The following CSNK1A1L variants were observed in gnomAD, a reference collection of about 807,000 sequenced individuals.
CSNK1A1L encodes the protein casein kinase 1 alpha 1 like, also known as casein kinase I isoform alpha-like.
In CSNK1A1L, 20 loss-of-function variants were observed where a neutral mutation model predicts 24.6. The observed-to-expected ratio is 0.81, with a 90% CI of 0.57 to 1.18. CSNK1A1L has a LOEUF of 1.18. CSNK1A1L is among the 50% of genes most tolerant of loss of function. The probability of loss-of-function intolerance (pLI) is 0.00; values close to 1 mark genes in which losing one functional copy is unlikely to be tolerated. For synonymous variants in CSNK1A1L, 152 were observed against 154.0 expected (o/e 0.99, Z 0.09); for missense variants, 414 against 419.0 (o/e 0.99, Z 0.10).
In CSNK1A1L at chr13:37,104,855, G is replaced by T. The variant is rs765148766; in HGVS notation, c.402C>A (p.His134Gln). 6.2e-7 allele frequency: 1 copy of T among 1,614,054 alleles called. No homozygotes were observed. The highest frequency in any genetic ancestry group is 1.1e-5 in the South Asian group (1 of 91,070). Residue 134 changes from histidine to glutamine, a missense_variant, in exon 1 of 1, where the codon CAC (histidine) becomes CAA (glutamine). Transcript: ENST00000379800. ...IEYVHTKNFLHRDIKPDNFLM... is the reference protein window; with the variant it reads ...IEYVHTKNFLQRDIKPDNFLM... Reference sequence around the variant, plus strand: ...GGAAGTTATCTGGTTTAATGTCTCGGTGTAGAAAATTCTTTGTATGCACGT... The same window carrying T: ...GGAAGTTATCTGGTTTAATGTCTCGTTGTAGAAAATTCTTTGTATGCACGT...
rs201851808 is a variant in CSNK1A1L, at chr13:37,104,814, C to T, written c.443G>A (p.Arg148His). The change falls in exon 1 of 1, where the codon CGT becomes CAT. Residue 148 changes from arginine (R) to histidine (H), a missense_variant. Coordinates refer to ENST00000379800, the MANE Select transcript of CSNK1A1L (RefSeq NM_145203.6). Reference protein sequence around the residue: ...KPDNFLMGTGRHCNKLFLIDF... With the variant: ...KPDNFLMGTGHHCNKLFLIDF... ...AATAAGGAACAACTTATTACAGTGACGCCCAGTACCCATCAGGAAGTTATC... is the reference window on the plus strand; with the variant it reads ...AATAAGGAACAACTTATTACAGTGATGCCCAGTACCCATCAGGAAGTTATC... 2.5e-5 allele frequency: 40 copies of T among 1,613,400 alleles called. No individual in the cohort carries two copies. The East Asian group carries it at 8.0e-4, about 32-fold the overall frequency.
Position 37,104,198 on chromosome 13 carries a change from G to A in CSNK1A1L, c.*45C>T, listed in dbSNP as rs754528009. 26 of 1,611,410 alleles carry A rather than the reference G, an allele frequency of 1.6e-5. No homozygotes were observed. The highest frequency in any genetic ancestry group is 2.1e-5 in the Non-Finnish European group (25 of 1,177,852). On this transcript the variant is annotated 3_prime_UTR_variant, in exon 1 of 1. Coordinates refer to ENST00000379800, the MANE Select transcript of CSNK1A1L (RefSeq NM_145203.6). ...TTTCTAGATGTGGGGAGAAACAAAT[G>A]CTGCTCGAATCATCTGCTCTGCTTC...
rs1566440653 is a variant in CSNK1A1L at position 37,104,537 on chromosome 13, C to A, written c.720G>T (p.Lys240Asn). The A allele has an allele frequency of 1.9e-6, 3 of 1,614,122 alleles. No individual in the cohort carries two copies. The highest frequency in any genetic ancestry group is 1.7e-6 in the Non-Finnish European group (2 of 1,180,024). ...KQKYEKISEK[K>N]MSTPVEVLCK... is the part of the protein sequence containing the mutation. ...ATAAAACTTCAACAGGGGTGGACATCTTCTTCTCACTAATCTTTTCATATT... is the reference window on the plus strand; with the variant it reads ...ATAAAACTTCAACAGGGGTGGACATATTCTTCTCACTAATCTTTTCATATT... Residue 240 changes from lysine (K) to asparagine (N), a missense_variant, in exon 1 of 1, where the codon AAG becomes AAT. Physicochemically the swap from Lys to Asn is moderately conservative, Grantham distance 94. Coordinates refer to ENST00000379800, the MANE Select transcript of CSNK1A1L (RefSeq NM_145203.6).
rs2070761825 is a variant in CSNK1A1L at position 37,104,095 on chromosome 13, G to A, written c.*148C>T. 6 of 981,802 alleles carry A rather than the reference G, an allele frequency of 6.1e-6. No individual in the cohort carries two copies. Among genetic ancestry groups the A allele is most frequent in the Non-Finnish European group, 9.1e-6 (6 of 661,792 alleles). 60.8% of individuals were successfully genotyped at this position (981,802 alleles called of 1,614,324 possible). On this transcript the variant is annotated 3_prime_UTR_variant, in exon 1 of 1. Transcript: ENST00000379800. ...GCATCACCAACGCTCCCCAGAGTCA[G>A]TTTATATTGAAATAAAGTTTTTTAC...
At position 37,104,354 on chromosome 13, in the gene CSNK1A1L, T is replaced by C. The variant is rs770682852; in HGVS notation, c.903A>G (p.Leu301=). The C allele has an allele frequency of 6.2e-7, 1 of 1,614,230 alleles. No individual in the cohort carries two copies. Among genetic ancestry groups the C allele is most frequent in the Non-Finnish European group, 8.5e-7 (1 of 1,180,044 alleles). The change falls in exon 1 of 1, where the codon TTA becomes TTG. Residue 301 remains leucine (L), a synonymous_variant. Coordinates refer to ENST00000379800, the MANE Select transcript of CSNK1A1L (RefSeq NM_145203.6). The stretch of plus-strand genomic sequence containing the variant: ...CTGCCTGCTGTGCTGCTTTCTGCTT[T>C]AACATCGTCCAATCAAATGTGTAGT... The part of the protein sequence containing the change: ...QYDYTFDWTM[L]KQKAAQQAAS...
Position 37,104,782 on chromosome 13 carries a change from C to A in CSNK1A1L, c.475G>T (p.Gly159Cys), listed in dbSNP as rs2070766965. 1.2e-6 allele frequency: 2 copies of A among 1,613,714 alleles called. No homozygotes were observed. The highest frequency in any genetic ancestry group is 2.2e-5 in the East Asian group (1 of 44,836). ...TTGTCTCTGTACTTTTTGGCCAAAC[C>A]AAAATCAATAAGGAACAACTTATTA... Reference protein sequence around the residue: ...HCNKLFLIDFGLAKKYRDNRT... With the variant: ...HCNKLFLIDFCLAKKYRDNRT... Residue 159 changes from glycine to cysteine, a missense_variant, in exon 1 of 1, where the codon GGT (glycine) becomes TGT (cysteine). Physicochemically the swap from Gly to Cys is radical, Grantham distance 159. Coordinates refer to ENST00000379800, the MANE Select transcript of CSNK1A1L (RefSeq NM_145203.6).
chr13:37,105,230 G>A lies in CSNK1A1L; in HGVS notation c.27C>T (p.Ala9=). 6.2e-7 allele frequency: 1 copy of A among 1,614,008 alleles called. No homozygotes were observed. The highest frequency in any genetic ancestry group is 8.5e-7 in the Non-Finnish European group (1 of 1,179,948). ...TGTATTTCCCTCCCACAACGAGTTC[G>A]GCTTTGGAGCCGCTGTTGTTTGTCA... The part of the protein sequence containing the change: MTNNSGSK[A]ELVVGGKYKL... The change falls in exon 1 of 1, where the codon GCC becomes GCT. Residue 9 remains alanine, a synonymous_variant. Transcript: ENST00000379800.
Position 37,104,874 on chromosome 13 carries a change from T to A in CSNK1A1L, c.383A>T (p.His128Leu). 1.2e-6 allele frequency: 2 copies of A among 1,614,126 alleles called. No individual in the cohort carries two copies. Among genetic ancestry groups the A allele is most frequent in the African/African-American group, 1.3e-5 (1 of 75,036 alleles). The stretch of plus-strand genomic sequence containing the variant: ...GTCTCGGTGTAGAAAATTCTTTGTA[T>A]GCACGTATTCAATTCTGCTGATCAT... ...DQMISRIEYV[H>L]TKNFLHRDIK... The change falls in exon 1 of 1, where the codon CAT becomes CTT. Residue 128 changes from histidine (H) to leucine (L), a missense_variant. Coordinates refer to ENST00000379800, the MANE Select transcript of CSNK1A1L (RefSeq NM_145203.6).
Position 37,105,317 on chromosome 13 carries a change from C to A in CSNK1A1L, c.-61G>T. ...GACCCCTCTAGGGGAGGATGGAGGCCTCCGGGGCCCACCGGCCCGCAAGGC... is the reference window on the plus strand; with the variant it reads ...GACCCCTCTAGGGGAGGATGGAGGCATCCGGGGCCCACCGGCCCGCAAGGC... On this transcript the variant is annotated 5_prime_UTR_variant, in exon 1 of 1. The change creates a new upstream start codon in the 5' untranslated region. Transcript: ENST00000379800. 6.5e-7 allele frequency: 1 copy of A among 1,538,826 alleles called. No individual in the cohort carries two copies. Among genetic ancestry groups the A allele is most frequent in the Middle Eastern group, 1.8e-4 (1 of 5,556 alleles).
Position 37,105,114 on chromosome 13 carries a change from T to G in CSNK1A1L, c.143A>C (p.Glu48Ala), listed in dbSNP as rs2070769519. The change falls in exon 1 of 1, where the codon GAA becomes GCA. Residue 48 changes from glutamate to alanine, a missense_variant. Transcript: ENST00000379800. ...CTGGGGGTGCTTGACCTTCTGAGAT[T>G]CCAGCTTCACTGCTACGTCCTCGCC... Reference protein sequence around the residue: ...TNGEDVAVKLESQKVKHPQLL... With the variant: ...TNGEDVAVKLASQKVKHPQLL... 1 of 1,614,142 alleles carries G rather than the reference T, an allele frequency of 6.2e-7. No homozygotes were observed. Among genetic ancestry groups the G allele is most frequent in the South Asian group, 1.1e-5 (1 of 91,086 alleles).
rs1400277633 is a variant in CSNK1A1L at position 37,103,831 on chromosome 13, T to C, written c.*412A>G. 2 of 238,228 alleles carry C rather than the reference T, an allele frequency of 8.4e-6. No individual in the cohort carries two copies. Among genetic ancestry groups the C allele is most frequent in the Non-Finnish European group, 1.7e-5 (2 of 120,556 alleles). The allele number at this position is 238,228 out of a possible 1,614,324, so 14.8% of individuals were successfully genotyped here. A position where few individuals can be genotyped will look rare whatever the true frequency, so the allele number is the denominator to read the frequency against. On this transcript the variant is annotated 3_prime_UTR_variant, in exon 1 of 1. Transcript: ENST00000379800. ...CCCTAAAAATGCTCAATCATAAGCA[T>C]TTACAACCTTTGCAGCTGTGGCTGA...
Position 37,104,886 on chromosome 13 carries a change from A to G in CSNK1A1L, c.371T>C (p.Ile124Thr). Residue 124 changes from isoleucine (I) to threonine (T), a missense_variant, in exon 1 of 1, where the codon ATT becomes ACT. Transcript: ENST00000379800. ...LMLADQMISR[I>T]EYVHTKNFLH... is the part of the protein sequence containing the mutation. Reference sequence around the variant, plus strand: ...AAAATTCTTTGTATGCACGTATTCAATTCTGCTGATCATCTGGTCGGCTAA... The same window carrying G: ...AAAATTCTTTGTATGCACGTATTCAGTTCTGCTGATCATCTGGTCGGCTAA... 3 of 1,614,150 alleles carry G rather than the reference A, an allele frequency of 1.9e-6. No homozygotes were observed. The highest frequency in any genetic ancestry group is 2.5e-6 in the Non-Finnish European group (3 of 1,180,030).
chr13:37,105,570 G>A lies in CSNK1A1L; in HGVS notation c.-314C>T. 1 of 300,048 alleles carries A rather than the reference G, an allele frequency of 3.3e-6. No homozygotes were observed. Among genetic ancestry groups the A allele is most frequent in the South Asian group, 7.3e-5 (1 of 13,680 alleles). 18.6% of individuals were successfully genotyped at this position (300,048 alleles called of 1,614,324 possible). A position where few individuals can be genotyped will look rare whatever the true frequency, so the allele number is the denominator to read the frequency against. On this transcript the variant is annotated 5_prime_UTR_variant, in exon 1 of 1. Transcript: ENST00000379800. ...GGGGGCACAGCGAGTTGGGGCAGCA[G>A]TACTGCTGCCACCGCTACCAACGGC...
At position 37,105,292 on chromosome 13, in the gene CSNK1A1L, G is replaced by C; in HGVS notation, c.-36C>G. 1 of 1,594,260 alleles carries C rather than the reference G, an allele frequency of 6.3e-7. No homozygotes were observed. The highest frequency in any genetic ancestry group is 8.5e-7 in the Non-Finnish European group (1 of 1,170,018). On this transcript the variant is annotated 5_prime_UTR_variant, in exon 1 of 1. Transcript: ENST00000379800. Reference sequence around the variant, plus strand: ...AAAGATGGAGGCTGGGCTCAGCCCTGACCCCTCTAGGGGAGGATGGAGGCC... The same window carrying C: ...AAAGATGGAGGCTGGGCTCAGCCCTCACCCCTCTAGGGGAGGATGGAGGCC...
chr13:37,104,068 C>T lies in CSNK1A1L; in HGVS notation c.*175G>A. The T allele has an allele frequency of 1.4e-6, 1 of 725,516 alleles. No individual in the cohort carries two copies. The allele number at this position is 725,516 out of a possible 1,614,324, so 44.9% of individuals were successfully genotyped here. A position where few individuals can be genotyped will look rare whatever the true frequency, so the allele number is the denominator to read the frequency against. On this transcript the variant is annotated 3_prime_UTR_variant, in exon 1 of 1. Coordinates refer to ENST00000379800, the MANE Select transcript of CSNK1A1L (RefSeq NM_145203.6). ...ATTACAGAGGCTACACTTTGGGATA[C>T]AGCATCACCAACGCTCCCCAGAGTC... is the stretch of plus-strand genomic sequence containing the variant.
Position 37,105,475 on chromosome 13 carries a change from G to C in CSNK1A1L, c.-219C>G, listed in dbSNP as rs920513778. On this transcript the variant is annotated 5_prime_UTR_variant, in exon 1 of 1. Coordinates refer to ENST00000379800, the MANE Select transcript of CSNK1A1L (RefSeq NM_145203.6). ...TTGCGAGGGTTTCTCAAGGTTCCAG[G>C]CTGGGCCACCACCTCTTTCTCGGTG... 1.5e-5 allele frequency: 8 copies of C among 525,850 alleles called. No homozygotes were observed. Among genetic ancestry groups the C allele is most frequent in the African/African-American group, 5.7e-5 (3 of 52,212 alleles). The allele number at this position is 525,850 out of a possible 1,614,324, so 32.6% of individuals were successfully genotyped here.
chr13:37,105,191 C>T lies in CSNK1A1L; in HGVS notation c.66G>A (p.Lys22=), dbSNP rs1300248804. The part of the protein sequence containing the change: ...VVGGKYKLVR[K]IGSGSFGDVY... ...CGTCTCCAAAGGAGCCAGACCCGAT[C>T]TTCCGCACCAGTTTGTATTTCCCTC... is the stretch of plus-strand genomic sequence containing the variant. Residue 22 remains lysine (K), a synonymous_variant, in exon 1 of 1, where the codon AAG becomes AAA. Coordinates refer to ENST00000379800, the MANE Select transcript of CSNK1A1L (RefSeq NM_145203.6). The T allele has an allele frequency of 6.2e-7, 1 of 1,614,188 alleles. No individual in the cohort carries two copies. The highest frequency in any genetic ancestry group is 8.5e-7 in the Non-Finnish European group (1 of 1,180,040).
Position 37,103,817 on chromosome 13 carries a change from C to G in CSNK1A1L, c.*426G>C, listed in dbSNP as rs1205736572. The G allele has an allele frequency of 4.9e-6, 1 of 202,568 alleles. No individual in the cohort carries two copies. Among genetic ancestry groups the G allele is most frequent in the Non-Finnish European group, 1.0e-5 (1 of 98,062 alleles). 12.5% of individuals were successfully genotyped at this position (202,568 alleles called of 1,614,324 possible). On this transcript the variant is annotated 3_prime_UTR_variant, in exon 1 of 1. Transcript: ENST00000379800. ...CAGGGATGGAGAAACCCTAAAAATG[C>G]TCAATCATAAGCATTTACAACCTTT...
chr13:37,105,047 C>T lies in CSNK1A1L; in HGVS notation c.210G>A (p.Gly70=), dbSNP rs757710013. 4 of 1,613,916 alleles carry T rather than the reference C, an allele frequency of 2.5e-6. No homozygotes were observed. In the Admixed American group the frequency reaches 5.0e-5, roughly 20 times the overall value. The change falls in exon 1 of 1, where the codon GGG becomes GGA. Residue 70 remains glycine, a synonymous_variant. Coordinates refer to ENST00000379800, the MANE Select transcript of CSNK1A1L (RefSeq NM_145203.6). ...ACCAGTGCATGTGGGGGATGCCAAC[C>T]CCACCTTGAAGAATCGTGTAGAGTT... ...ESKLYTILQG[G]VGIPHMHWYG... is the part of the protein sequence containing the mutation.
Sources: allele counts gnomAD v4.1 joint callset, GRCh38; gene constraint gnomAD v4.1.1; transcripts MANE v1.5; gene names NCBI Gene and HGNC (gene_info 2026-07-23, HGNC 2026-07-21).